The following RYR1 variants were observed in gnomAD, a reference collection of about 807,000 sequenced individuals.
The protein encoded by RYR1 is central core disease of muscle.
In RYR1, 342 loss-of-function variants were observed where a neutral mutation model predicts 583.5. The ratio of observed to expected loss-of-function variants is 0.59; its 90% CI spans 0.54 to 0.64. The LOEUF (loss-of-function observed/expected upper bound fraction) is 0.64, where lower values mean the gene tolerates loss of function less well. Among genes scored for constraint, RYR1 ranks in the 30% least tolerant of loss-of-function variants. The pLI is 0.00. For synonymous variants in RYR1, 2,791 were observed against 2,822.5 expected, an observed-to-expected ratio of 0.99 and a Z score of 0.35; for missense variants, 6,032 against 6,917.2, an observed-to-expected ratio of 0.87 and a Z score of 4.54.
rs749656679 is a variant in RYR1, at chr19:38,517,571, GC to G, written c.9905del (p.Pro3302HisfsTer19). On this transcript the variant is annotated frameshift_variant, in exon 66 of 106. Transcript: ENST00000359596. LOFTEE classifies it high-confidence loss of function. Reference protein sequence around the residue: ...EAPPSALPAGAPPPCTAVTSD... With the variant: ...EAPPSALPAGXPPPCTAVTSD... ...ACCCCCTTCCGCCCTGCCCGCCGGC[GC>G]CCCCCCACCCTGCACAGCTGTCACC... The G allele has an allele frequency of 2.5e-6, 4 of 1,613,424 alleles. No individual in the cohort carries two copies. The highest frequency in any genetic ancestry group is 2.5e-6 in the Non-Finnish European group (3 of 1,179,768).
chr19:38,520,693 C>CAAAAAAAAAAA (rs71165555), intron 67 of RYR1, among the ~76,000 whole-genome samples: 31 of 46,900 alleles, frequency 6.6e-4, no homozygotes, highest in East Asian at 5.2e-3. Context: ...GGCTCCACCT[C>CAAAAAAAAAAA]AAAAAAAAAA....
chr19:38,548,788 C>T (rs1019252424), intron 89 of RYR1, among the ~76,000 whole-genome samples: 3 of 152,156 alleles, frequency 2.0e-5, no homozygotes, highest in Non-Finnish European at 2.9e-5. Context: ...CACTACATTA[C>T]CCAGGCTCCT....
At chr19:38,516,384 G>C (rs1049922938) in intron 65 of RYR1, among the ~76,000 whole-genome samples, 167 bp downstream of exon 65, 1 of 152,192 alleles carries the variant, frequency 6.6e-6, no homozygotes, top group South Asian at 2.1e-4. Flanking sequence ...TTTATGGTTC[G>C]GGGGCATTTC....
intron 101 of RYR1, 141 bp from the exon 102 acceptor site, chr19:38,584,801 GC>G: frequency 2.2e-6 from 2 of 927,410 alleles, no homozygotes; most frequent in South Asian, 2.9e-5. Flanking sequence ...CCTGTCTGAT[GC>G]CGTATCTGTG....
At chr19:38,536,675 G>A (rs574206913) in intron 82 of RYR1, 75 bp from the exon 83 acceptor site, 3 of 1,534,768 alleles carry the variant, frequency 2.0e-6, no homozygotes, top group East Asian at 4.5e-5. Context: ...GTCATTGTGT[G>A]TGTTTGCGGT....
chr19:38,461,734 A>AG (rs1448689187), intron 20 of RYR1, among the ~76,000 whole-genome samples: 1 of 143,560 alleles, frequency 7.0e-6, no homozygotes, highest in Non-Finnish European at 1.5e-5. Flanking sequence ...AAAAAAAAAA[A>AG]AAAAAAGAAA....
At chr19:38,464,528 G>A in intron 22 of RYR1, 111 bp from the exon 23 acceptor site, 1 of 853,188 alleles carries the variant, frequency 1.2e-6, no homozygotes, top group Non-Finnish European at 1.9e-6. Flanking sequence ...GAGCGCCCCA[G>A]GCACTGAAGC....
At chr19:38,520,307 C>A (rs1971169219) in intron 67 of RYR1, among the ~76,000 whole-genome samples, 1 of 150,152 alleles carries the variant, frequency 6.7e-6, no homozygotes, top group African/African-American at 2.4e-5. Context: ...GTCAAGTGAT[C>A]CTCCCACCTC....
chr19:38,461,304 A>G (rs1967729539), intron 20 of RYR1, among the ~76,000 whole-genome samples: 1 of 152,150 alleles, frequency 6.6e-6, no homozygotes, highest in Admixed American at 6.5e-5. Context: ...AATTTAGACA[A>G]TTTTTTAAAA....
At chr19:38,473,874 C>T (rs773088916) in intron 28 of RYR1, 103 bp downstream of exon 28, 16 of 798,052 alleles carry the variant, frequency 2.0e-5, no homozygotes, top group Non-Finnish European at 3.1e-5. Flanking sequence ...CCAAAGTAGA[C>T]CCATATATGC....
intron 34 of RYR1, 52 bp downstream of exon 34, chr19:38,486,254 A>G: frequency 1.2e-6 from 2 of 1,610,894 alleles, no homozygotes; most frequent in Non-Finnish European, 1.7e-6. Context: ...CACATTCCCA[A>G]AACTCCAGAG....
At chr19:38,456,588 G>A (rs757691351) in intron 16 of RYR1, among the ~76,000 whole-genome samples, 30 of 151,368 alleles carry the variant, frequency 2.0e-4, no homozygotes, top group African/African-American at 2.9e-4. Context: ...CACCGGTGGC[G>A]CTGAAATGTT....
chr19:38,502,938 A>G lies in RYR1; in HGVS notation c.7894A>G (p.Ile2632Val), dbSNP rs1947152822. ...LLRRLVFDVP[I>V]LNEFAKMPLK... ...GCGCCGCCTGGTGTTCGACGTGCCC[A>G]TCCTCAACGAGTTCGCCAAGATGCC... The change falls in exon 49 of 106, where the codon ATC (isoleucine) becomes GTC (valine). Residue 2632 changes from isoleucine (I) to valine (V), a missense_variant. By Grantham distance (29) the Ile-to-Val change is conservative (BLOSUM62 3). Coordinates refer to ENST00000359596, the MANE Select transcript of RYR1 (RefSeq NM_000540.3). The G allele has an allele frequency of 5.6e-6, 9 of 1,611,074 alleles. No homozygotes were observed. Among genetic ancestry groups the G allele is most frequent in the African/African-American group, 4.0e-5 (3 of 74,876 alleles).
chr19:38,502,770 G>C lies in RYR1; in HGVS notation c.7835+43G>C, dbSNP rs1159521495. ...TCAGGGTGGGGCAGGGGCAGGGGCA[G>C]GGGCAGGGGCAGGGGCAGGGGCAGG... is the stretch of plus-strand genomic sequence containing the variant. On this transcript the variant is annotated intron_variant, in intron 48 of 105. Transcript: ENST00000359596. The C allele has an allele frequency of 8.7e-6, 9 of 1,033,078 alleles. No homozygotes were observed. The South Asian group carries it at 9.1e-5, about 10-fold the overall frequency. The allele number at this position is 1,033,078 out of a possible 1,614,324, so 64.0% of individuals were successfully genotyped here. A position where few individuals can be genotyped will look rare whatever the true frequency, so the allele number is the denominator to read the frequency against.
In RYR1 at chr19:38,466,410, C is replaced by CCCCTGG. The variant is rs779590122; in HGVS notation, c.3178+24_3178+29dup. 1.2e-5 allele frequency: 19 copies of CCCCTGG among 1,542,378 alleles called. No individual in the cohort carries two copies. Among genetic ancestry groups the CCCCTGG allele is most frequent in the African/African-American group, 4.1e-5 (3 of 72,968 alleles). ...TGACCAGGAGCCCAGTGAGTGCTCA[C>CCCCTGG]CCCTGGCCCTGGCCCTGACTCCTAC... On this transcript the variant is annotated intron_variant, in intron 24 of 105. Transcript: ENST00000359596.
chr19:38,511,969 G>T (rs373044908), intron 61 of RYR1, 103 bp from the exon 62 acceptor site: 37 of 1,353,852 alleles, frequency 2.7e-5, no homozygotes, highest in Middle Eastern at 1.8e-4. Context: ...AACTTAGCCC[G>T]CAGGTAGCCT....
intron 56 of RYR1, 103 bp from the exon 57 acceptor site, chr19:38,506,726 C>CA: frequency 6.4e-7 from 1 of 1,573,718 alleles, no homozygotes; most frequent in Non-Finnish European, 8.7e-7. Context: ...TTCGTATCTT[C>CA]TTTATCACCA....
intron 88 of RYR1, 62 bp downstream of exon 88, chr19:38,546,588 C>T (rs1001891187): frequency 1.4e-5 from 19 of 1,325,796 alleles, no homozygotes; most frequent in Middle Eastern, 1.8e-4. Context: ...CTGAGAATGG[C>T]CCCCTGAGAC....
rs1196338124 is a variant in RYR1, at chr19:38,565,530, C to T, written c.13196C>T (p.Pro4399Leu). The T allele has an allele frequency of 8.0e-6, 12 of 1,502,730 alleles. No individual in the cohort carries two copies. The highest frequency in any genetic ancestry group is 9.7e-6 in the Non-Finnish European group (11 of 1,133,308). The allele number at this position is 1,502,730 out of a possible 1,614,324, so 93.1% of individuals were successfully genotyped here. A position where few individuals can be genotyped will look rare whatever the true frequency, so the allele number is the denominator to read the frequency against. The change falls in exon 91 of 106, where the codon CCG (proline) becomes CTG (leucine). Residue 4399 changes from proline (P) to leucine (L), a missense_variant. Pro to Leu is a moderately conservative substitution (Grantham distance 98). Around this residue, in one of 11 missense-constraint regions of RYR1, gnomAD observed 753 missense variants for 759.6 expected, o/e 0.99. Coordinates refer to ENST00000359596, the MANE Select transcript of RYR1 (RefSeq NM_000540.3). This position sits in a 1 kb window ranked among gnomAD's most constrained non-coding sequence, Gnocchi z 4.7. ...DEVHGEQPAG[P>L]GGDADGEGAS... Reference sequence around the variant, plus strand: ...GTGCACGGCGAGCAGCCGGCCGGGCCGGGCGGAGACGCAGACGGCGAGGGT... The same window carrying T: ...GTGCACGGCGAGCAGCCGGCCGGGCTGGGCGGAGACGCAGACGGCGAGGGT...
Sources: allele counts gnomAD v4.1 joint callset (sites outside exome capture counted in the v4.1 genomes callset), GRCh38; gene constraint gnomAD v4.1.1; regional missense constraint gnomAD v4.1.1; non-coding constraint Gnocchi (gnomAD v3.1); transcripts MANE v1.5; gene names NCBI Gene and HGNC (gene_info 2026-07-23, HGNC 2026-07-21).